The following CACNB2 variants were observed in gnomAD, a reference collection of about 807,000 sequenced individuals.
CACNB2 encodes the protein calcium voltage-gated channel auxiliary subunit beta 2, also known as voltage-dependent L-type calcium channel subunit beta-2.
A neutral mutation model predicts 73.3 loss-of-function variants in CACNB2; 42 were observed. The ratio of observed to expected loss-of-function variants is 0.57; its 90% CI spans 0.45 to 0.74. The LOEUF is 0.74. CACNB2 is among the 30% of genes least tolerant of loss of function. CACNB2 has a pLI of 0.00. For synonymous variants in CACNB2, 348 were observed against 310.3 expected, an observed-to-expected ratio of 1.12 and a Z score of -1.28; for missense variants, 940 against 853.0, an observed-to-expected ratio of 1.10 and a Z score of -1.27.
intron 2 of CACNB2, chr10:18,340,945 A>G: frequency 6.2e-7 from 1 of 1,614,176 alleles, no homozygotes; most frequent in Non-Finnish European, 8.5e-7. Flanking sequence ...CAGACGCCTT[A>G]TAGCTCCTCA....
At chr10:18,317,223 T>G (rs901760637) in intron 2 of CACNB2, among the ~76,000 whole-genome samples, 9 of 151,940 alleles carry the variant, frequency 5.9e-5, no homozygotes, top group Admixed American at 5.3e-4. Context: ...CTACCAAACT[T>G]TTCCCTAGCT....
intron 2 of CACNB2, chr10:18,341,015 G>A: frequency 6.2e-7 from 1 of 1,604,566 alleles, no homozygotes; most frequent in Non-Finnish European, 8.5e-7. Flanking sequence ...GATGCACGGT[G>A]CGGTTTAAAG....
At chr10:18,495,845 C>T (rs777959233) in intron 3 of CACNB2, among the ~76,000 whole-genome samples, 1 of 151,710 alleles carries the variant, frequency 6.6e-6, no homozygotes, top group African/African-American at 2.4e-5. Context: ...AAAATAGAAA[C>T]ATCATACTCT....
chr10:18,302,451 G>A (rs1419252), intron 2 of CACNB2, among the ~76,000 whole-genome samples: 48,039 of 152,092 alleles, frequency 0.32, 8,129 homozygotes, highest in Non-Finnish European at 0.37. Flanking sequence ...CAACCCAAAT[G>A]CCCATCAATA....
Position 18,324,577 on chromosome 10 carries a change from G to A in CACNB2, c.214-77347G>A, listed in dbSNP as rs190871029. Among the ~76,000 whole-genome samples, 545 of 152,372 alleles carry A rather than the reference G, an allele frequency of 3.6e-3. 3 individuals are homozygous for A. The highest frequency in any genetic ancestry group is 3.7e-3 in the Non-Finnish European group (255 of 68,036). The stretch of plus-strand genomic sequence containing the variant: ...ATTCAAAACTTACCTGTGGGGTTGG[G>A]TGCAGTGGCTCACGCCTGTAATCCC... On this transcript the variant is annotated intron_variant, in intron 2 of 13. Transcript: ENST00000324631.
At chr10:18,210,720 C>A (rs1306046073) in intron 2 of CACNB2, among the ~76,000 whole-genome samples, 1 of 151,954 alleles carries the variant, frequency 6.6e-6, no homozygotes, top group Admixed American at 6.6e-5. Context: ...TATTACAGAC[C>A]CCAAATCTGT....
intron 3 of CACNB2, among the ~76,000 whole-genome samples, chr10:18,449,587 C>T (rs1365575804): frequency 2.6e-5 from 4 of 152,130 alleles, no homozygotes; most frequent in Non-Finnish European, 4.4e-5. Context: ...TCACAAGGAC[C>T]CTATGGGATT....
chr10:18,376,109 A>G (rs981099305), intron 2 of CACNB2, among the ~76,000 whole-genome samples: 1 of 152,196 alleles, frequency 6.6e-6, no homozygotes, highest in Non-Finnish European at 1.5e-5. Flanking sequence ...CCATCAGCAG[A>G]TGAATGGATA....
intron 2 of CACNB2, among the ~76,000 whole-genome samples, chr10:18,381,854 C>T (rs1564488380): frequency 1.3e-5 from 2 of 151,958 alleles, no homozygotes; most frequent in African/African-American, 4.8e-5. Flanking sequence ...AATACACATT[C>T]ATGATGTGGC....
intron 2 of CACNB2, among the ~76,000 whole-genome samples, chr10:18,233,135 C>T (rs1248821981): frequency 6.6e-6 from 1 of 152,162 alleles, no homozygotes; most frequent in Non-Finnish European, 1.5e-5. Context: ...ATGTATTCCT[C>T]ACACATACTT....
intron 3 of CACNB2, among the ~76,000 whole-genome samples, chr10:18,491,402 AG>A (rs2049415732): frequency 6.6e-6 from 1 of 152,196 alleles, no homozygotes; most frequent in Non-Finnish European, 1.5e-5. Flanking sequence ...TGGGCATCAA[AG>A]CGAGACCTCA....
At chr10:18,412,430 A>C (rs556576733) in intron 3 of CACNB2, among the ~76,000 whole-genome samples, 2 of 152,016 alleles carry the variant, frequency 1.3e-5, no homozygotes, top group Non-Finnish European at 2.9e-5. Context: ...CCTTCTTTCT[A>C]CTGCCAACCT....
At chr10:18,261,758 GA>G (rs1321435278) in intron 2 of CACNB2, among the ~76,000 whole-genome samples, 1 of 152,148 alleles carries the variant, frequency 6.6e-6, no homozygotes, top group East Asian at 1.9e-4. Flanking sequence ...AGCAGCTTCA[GA>G]AAAATAGTAG....
At chr10:18,236,511 G>A in intron 2 of CACNB2, among the ~76,000 whole-genome samples, 1 of 152,188 alleles carries the variant, frequency 6.6e-6, no homozygotes, top group East Asian at 1.9e-4. Flanking sequence ...GAGCCCCTCA[G>A]TAGGCCCCCC....
At position 18,534,318 on chromosome 10, in the gene CACNB2, C is replaced by A. The variant is rs542826447; in HGVS notation, c.1206+91C>A. 4.6e-5 allele frequency: 51 copies of A among 1,099,188 alleles called. 1 individual carries two copies. In the African/African-American group the frequency reaches 6.6e-4, roughly 14 times the overall value. The allele number at this position is 1,099,188 out of a possible 1,614,324, so 68.1% of individuals were successfully genotyped here. ...TTCTATAATTAGGCTATTGTAATAG[C>A]CTTTATGATGTATAGAGAATTTGAG... On this transcript the variant is annotated intron_variant, in intron 11 of 13. Coordinates refer to ENST00000324631, the MANE Select transcript of CACNB2 (RefSeq NM_201596.3).
At chr10:18,409,537 C>T (rs1205355259) in intron 3 of CACNB2, among the ~76,000 whole-genome samples, 1 of 152,196 alleles carries the variant, frequency 6.6e-6, no homozygotes, top group African/African-American at 2.4e-5. Context: ...CTTGAAGTTT[C>T]GGGAAAGGCC....
chr10:18,468,453 C>A (rs542597059), intron 3 of CACNB2, among the ~76,000 whole-genome samples: 26 of 152,126 alleles, frequency 1.7e-4, no homozygotes, highest in African/African-American at 4.8e-4. Context: ...GATCCTGTCT[C>A]AAACAACAAC....
chr10:18,237,065 G>T (rs1453760907), intron 2 of CACNB2, among the ~76,000 whole-genome samples: 1 of 152,168 alleles, frequency 6.6e-6, no homozygotes, highest in Admixed American at 6.5e-5. Context: ...GATCTCAAAG[G>T]CGAAAGGGTG....
At chr10:18,426,143 A>G (rs2045587831) in intron 3 of CACNB2, among the ~76,000 whole-genome samples, 1 of 152,238 alleles carries the variant, frequency 6.6e-6, no homozygotes, top group South Asian at 2.1e-4. Flanking sequence ...AAGAAAAAAC[A>G]CAAACATACC....
Sources: gnomAD v4.1 joint callset for allele counts (sites outside exome capture counted in the v4.1 genomes callset) on GRCh38, gnomAD v4.1.1 for gene constraint, MANE v1.5 for transcripts, NCBI Gene and HGNC (gene_info 2026-07-23, HGNC 2026-07-21) for gene names.